Variants in PALM2AKAP2 observed in about 807,000 individuals in gnomAD.
The protein encoded by PALM2AKAP2 is PALM2 and AKAP2 fusion.
In PALM2AKAP2, 37 loss-of-function variants were observed where a neutral mutation model predicts 71.5. That is an observed-to-expected ratio of 0.52 (90% CI 0.40 to 0.68). The LOEUF (loss-of-function observed/expected upper bound fraction) is 0.68. Among genes scored for constraint, PALM2AKAP2 ranks in the 30% least tolerant of loss-of-function variants. The pLI is 0.00. For missense variants in PALM2AKAP2, 1,224 were observed against 1,191.8 expected (o/e 1.03, Z -0.40); for synonymous variants, 468 against 478.8 (o/e 0.98, Z 0.29).
At chr9:110,170,806 C>G (rs1275016075) in exon 4 of PALM2AKAP2, 1 of 152,218 alleles carries the variant, frequency 6.6e-6, no homozygotes, top group Admixed American at 6.5e-5. Flanking sequence ...ATCGTCTTTA[C>G]CTGAGGATTT....
chr9:109,665,360 A>G (rs1236487565), intron 1 of PALM2AKAP2, among the ~76,000 whole-genome samples: 1 of 152,094 alleles, frequency 6.6e-6, no homozygotes, highest in African/African-American at 2.4e-5. Context: ...TGACCTACAG[A>G]TGGGGTTTTG....
At chr9:110,089,822 C>T (rs1005913381) in intron 1 of PALM2AKAP2, among the ~76,000 whole-genome samples, 9 of 152,150 alleles carry the variant, frequency 5.9e-5, no homozygotes, top group Non-Finnish European at 8.8e-5. Context: ...TCTTCCTTAT[C>T]GTGGAGAGCC....
At chr9:109,800,326 C>T (rs909301234) in intron 1 of PALM2AKAP2, among the ~76,000 whole-genome samples, 1 of 152,318 alleles carries the variant, frequency 6.6e-6, no homozygotes, top group South Asian at 2.1e-4. Flanking sequence ...TTAGCAAATA[C>T]TACCGCATTT....
chr9:109,765,724 G>A (rs1253504603), intron 1 of PALM2AKAP2, among the ~76,000 whole-genome samples: 1 of 152,074 alleles, frequency 6.6e-6, no homozygotes, highest in East Asian at 1.9e-4. Context: ...AGATCACTAG[G>A]GCAGTTTGTA....
chr9:109,865,807 C>G (rs988106543), intron 1 of PALM2AKAP2, among the ~76,000 whole-genome samples: 1 of 152,192 alleles, frequency 6.6e-6, no homozygotes, highest in Admixed American at 6.5e-5. Flanking sequence ...TCCAGTAAGT[C>G]TACTCTTGAG....
At chr9:109,893,117 G>C (rs1830123025) in intron 3 of PALM2AKAP2, among the ~76,000 whole-genome samples, 1 of 152,124 alleles carries the variant, frequency 6.6e-6, no homozygotes, top group Non-Finnish European at 1.5e-5. Flanking sequence ...GGCAGAGGAA[G>C]GCAGGGAGGC....
At chr9:109,853,297 A>G (rs1156783260) in intron 1 of PALM2AKAP2, among the ~76,000 whole-genome samples, 1 of 152,210 alleles carries the variant, frequency 6.6e-6, no homozygotes, top group Non-Finnish European at 1.5e-5. Flanking sequence ...GTTAGCAGCA[A>G]TTATCAGCAC....
rs142027494 is a variant in PALM2AKAP2, at chr9:109,992,692, T to C, written c.497-23262T>C. Among the ~76,000 whole-genome samples the C allele has an allele frequency of 1.6e-3, 236 of 151,622 alleles. 1 individual carries two copies. Among genetic ancestry groups the C allele is most frequent in the African/African-American group, 5.1e-3 (210 of 41,320 alleles). ...TGGAAGTGTGCAAATGTAATCAGAG[T>C]TTTTCAAAATACTTGAAGAGGTGTA... On this transcript the variant is annotated intron_variant, in intron 6 of 9. Coordinates refer to the PALM2AKAP2 transcript ENST00000302798.
chr9:110,045,217 A>G (rs1833576053), upstream of PALM2AKAP2, among the ~76,000 whole-genome samples: 1 of 152,218 alleles, frequency 6.6e-6, no homozygotes, highest in African/African-American at 2.4e-5. Flanking sequence ...CCTTGATGGT[A>G]TAGGGCCTGT....
intron 1 of PALM2AKAP2, among the ~76,000 whole-genome samples, chr9:109,852,600 A>G (rs561931703): frequency 1.3e-5 from 2 of 152,154 alleles, no homozygotes; most frequent in Admixed American, 1.3e-4. Context: ...TTCTTTGAGA[A>G]ATCTCCAAAC....
intron 1 of PALM2AKAP2, among the ~76,000 whole-genome samples, chr9:109,686,249 C>G (rs1325311774): frequency 6.6e-6 from 1 of 152,188 alleles, no homozygotes; most frequent in Non-Finnish European, 1.5e-5. Flanking sequence ...TTAATGGCAT[C>G]TAGAATGGGT....
intron 1 of PALM2AKAP2, among the ~76,000 whole-genome samples, chr9:109,850,355 C>T (rs1282598343): frequency 6.6e-6 from 1 of 151,928 alleles, no homozygotes; most frequent in African/African-American, 2.4e-5. Flanking sequence ...TTTTGAAGCA[C>T]AAAACTTATT....
At chr9:110,056,006 T>C (rs530963305) in intron 1 of PALM2AKAP2, among the ~76,000 whole-genome samples, 7 of 152,290 alleles carry the variant, frequency 4.6e-5, no homozygotes, top group African/African-American at 1.7e-4. Flanking sequence ...ACTTTTTCAG[T>C]AGCTGAGACT....
intron 1 of PALM2AKAP2, among the ~76,000 whole-genome samples, chr9:109,735,861 C>G (rs568795691): frequency 1.5e-4 from 23 of 152,312 alleles, no homozygotes; most frequent in African/African-American, 5.5e-4. Flanking sequence ...AAGACTGTAA[C>G]TTGGGTTTGC....
At chr9:110,047,688 G>A (rs1056060635), upstream of PALM2AKAP2, among the ~76,000 whole-genome samples, 1 of 152,164 alleles carries the variant, frequency 6.6e-6, no homozygotes, top group African/African-American at 2.4e-5. Flanking sequence ...TCTGACTTTT[G>A]TGATCTTCCT....
intron 2 of PALM2AKAP2, among the ~76,000 whole-genome samples, chr9:110,153,335 G>C (rs1836369414): frequency 6.6e-6 from 1 of 152,156 alleles, no homozygotes; most frequent in Non-Finnish European, 1.5e-5. Flanking sequence ...TGGCATCTGA[G>C]CCTCTGTGGT....
At chr9:110,039,613 G>A (rs950305545) in intron 7 of PALM2AKAP2, among the ~76,000 whole-genome samples, 2 of 152,128 alleles carry the variant, frequency 1.3e-5, no homozygotes, top group African/African-American at 4.8e-5. Flanking sequence ...TTTCCTCCTA[G>A]TTCTAACTTT....
At chr9:110,148,853 T>C (rs557220494) in intron 2 of PALM2AKAP2, 6 of 152,326 alleles carry the variant, frequency 3.9e-5, no homozygotes, top group African/African-American at 1.4e-4. Flanking sequence ...CAAATCATAA[T>C]ATCTGACCAA....
At chr9:110,150,879 A>G (rs1836295121) in intron 2 of PALM2AKAP2, among the ~76,000 whole-genome samples, 1 of 152,232 alleles carries the variant, frequency 6.6e-6, no homozygotes, top group South Asian at 2.1e-4. Flanking sequence ...TATAGTTTGA[A>G]TATTTTCTCA....
Sources: gnomAD v4.1 joint callset for allele counts (sites outside exome capture counted in the v4.1 genomes callset) on GRCh38, gnomAD v4.1.1 for gene constraint, MANE v1.5 for transcripts, NCBI Gene and HGNC (gene_info 2026-07-23, HGNC 2026-07-21) for gene names.